BCR: variants seen among roughly 807,000 people sequenced by gnomAD.
The protein encoded by BCR is breakpoint cluster region protein.
A neutral mutation model predicts 138.6 loss-of-function variants in BCR; 58 were observed. The observed-to-expected ratio is 0.42, with a 90% CI of 0.34 to 0.52. The LOEUF (loss-of-function observed/expected upper bound fraction) is 0.52. BCR is among the 20% of genes least tolerant of loss of function. The pLI is 0.06. For synonymous variants in BCR, 786 were observed against 730.1 expected, an observed-to-expected ratio of 1.08 and a Z score of -1.23; for missense variants, 1,599 against 1,727.2, an observed-to-expected ratio of 0.93 and a Z score of 1.32.
intron 1 of BCR, among the ~76,000 whole-genome samples, chr22:23,188,408 C>G (rs976025205): frequency 2.0e-5 from 3 of 152,194 alleles, no homozygotes; most frequent in Non-Finnish European, 2.9e-5. Flanking sequence ...GCTTTATAGC[C>G]TCCTTCCTTC....
At chr22:23,192,238 T>C (rs2072424761) in intron 1 of BCR, among the ~76,000 whole-genome samples, 1 of 151,510 alleles carries the variant, frequency 6.6e-6, no homozygotes, top group Non-Finnish European at 1.5e-5. Context: ...TGAGGGGGTA[T>C]GAGACACTCT....
At chr22:23,193,817 A>T (rs1871481457) in intron 1 of BCR, among the ~76,000 whole-genome samples, 1 of 152,184 alleles carries the variant, frequency 6.6e-6, no homozygotes, top group African/African-American at 2.4e-5. Flanking sequence ...GAACCCTCTT[A>T]GCTGAGTGTT....
intron 16 of BCR, among the ~76,000 whole-genome samples, chr22:23,298,844 C>T (rs1166970534): frequency 1.3e-5 from 2 of 152,192 alleles, no homozygotes; most frequent in Non-Finnish European, 1.5e-5. Flanking sequence ...GTGGTCCACC[C>T]GCCTTGGCCT....
chr22:23,215,466 G>A (rs143553364), intron 1 of BCR, among the ~76,000 whole-genome samples: 139 of 152,314 alleles, frequency 9.1e-4, no homozygotes, highest in African/African-American at 3.2e-3. Context: ...TAAAGAGGGC[G>A]GGAATTCTTA....
rs188073353 is a variant in BCR, at chr22:23,207,040, A to G, written c.1279+24801A>G. On this transcript the variant is annotated intron_variant, in intron 1 of 22. Coordinates refer to ENST00000305877, the MANE Select transcript of BCR (RefSeq NM_004327.4). ...CCATCCATTCAACATTGAACTATCC[A>G]TTATTCACTCATCCATCCAAACATG... Among the ~76,000 whole-genome samples, 87 of 144,802 alleles carry G rather than the reference A, an allele frequency of 6.0e-4. 1 individual carries two copies. The highest frequency in any genetic ancestry group is 3.9e-3 in the Middle Eastern group (1 of 254). The allele number at this position is 144,802 out of a possible 152,430, so 95.0% of individuals were successfully genotyped here.
At chr22:23,286,484 ACCT>A (rs1325020780) in intron 10 of BCR, among the ~76,000 whole-genome samples, 1 of 152,014 alleles carries the variant, frequency 6.6e-6, no homozygotes, top group Non-Finnish European at 1.5e-5. Flanking sequence ...TGGGACTGTG[ACCT>A]CCAGGGTAGG....
rs1352155987 is a variant in BCR, at chr22:23,317,039, G to T, written c.*1517G>T. The T allele has an allele frequency of 1.2e-5, 2 of 164,974 alleles. No individual in the cohort carries two copies. The highest frequency in any genetic ancestry group is 6.3e-5 in the African/African-American group (2 of 31,702). 10.2% of individuals were successfully genotyped at this position (164,974 alleles called of 1,614,324 possible). ...AGGATCACATTTAAGGAAGTGTGTG[G>T]GGTCCCTGGATGACACCAGCACCCA... On this transcript the variant is annotated 3_prime_UTR_variant, in exon 23 of 23. Coordinates refer to ENST00000305877, the MANE Select transcript of BCR (RefSeq NM_004327.4).
intron 16 of BCR, among the ~76,000 whole-genome samples, chr22:23,298,167 A>G (rs1287660302): frequency 2.0e-5 from 3 of 152,178 alleles, no homozygotes; most frequent in Non-Finnish European, 2.9e-5. Flanking sequence ...GTAGGGGTTG[A>G]TGGATGGAAA....
chr22:23,204,031 G>A (rs1194327504), intron 1 of BCR, among the ~76,000 whole-genome samples: 2 of 152,150 alleles, frequency 1.3e-5, no homozygotes, highest in Non-Finnish European at 2.9e-5. Context: ...CTGGAAGGAG[G>A]GCAGATAATG....
At chr22:23,254,961 G>A (rs997991537) in intron 2 of BCR, among the ~76,000 whole-genome samples, 3 of 152,096 alleles carry the variant, frequency 2.0e-5, no homozygotes, top group African/African-American at 7.2e-5. Context: ...CCAGGAGCTC[G>A]AGACTGCAGT....
At chr22:23,263,098 G>T in intron 4 of BCR, 3 of 702,952 alleles carry the variant, frequency 4.3e-6, no homozygotes, top group Non-Finnish European at 6.9e-6. Flanking sequence ...GGACAAGGAG[G>T]TCAGGTTTGG....
chr22:23,281,925 G>T (rs911598423), intron 8 of BCR, among the ~76,000 whole-genome samples: 1 of 152,254 alleles, frequency 6.6e-6, no homozygotes, highest in African/African-American at 2.4e-5. Flanking sequence ...GCCTCTGCTG[G>T]AGAGGGAGCT....
intron 16 of BCR, among the ~76,000 whole-genome samples, chr22:23,298,797 C>T (rs2073874040): frequency 6.6e-6 from 1 of 152,164 alleles, no homozygotes; most frequent in Admixed American, 6.5e-5. Context: ...GGGGTTTCAC[C>T]ATGTTGGCCA....
At chr22:23,313,089 G>A in intron 20 of BCR, 68 bp downstream of exon 20, 1 of 1,522,982 alleles carries the variant, frequency 6.6e-7, no homozygotes. Flanking sequence ...CTTGGAGGCT[G>A]TGAAAAGTGA....
At chr22:23,281,850 T>G (rs2073649415) in intron 8 of BCR, among the ~76,000 whole-genome samples, 2 of 152,170 alleles carry the variant, frequency 1.3e-5, no homozygotes, top group Admixed American at 6.5e-5. Flanking sequence ...GTGCTACAGG[T>G]CCCCAGTGTG....
At chr22:23,273,227 C>G in intron 7 of BCR, 94 bp downstream of exon 7, 1 of 1,393,682 alleles carries the variant, frequency 7.2e-7, no homozygotes, top group African/African-American at 1.4e-5. Flanking sequence ...GTTGTCATAG[C>G]TGCAGCCAAG....
rs1344333043 is a variant in BCR at position 23,315,509 on chromosome 22, C to T, written c.3803C>T (p.Ser1268Phe). The change falls in exon 23 of 23, where the codon TCC (serine) becomes TTC (phenylalanine). Residue 1268 changes from serine to phenylalanine, a missense_variant. Ser to Phe is a radical substitution (Grantham distance 155, BLOSUM62 -2). Around this residue, in one of 4 missense-constraint regions of BCR, gnomAD observed 177 missense variants for 226.4 expected, o/e 0.78. Transcript: ENST00000305877. ...AGCAAGAGACAGAGCATCCTGTTCT[C>T]CACCGAAGTCTAAAGGTCCCAGTCC... is the stretch of plus-strand genomic sequence containing the variant. ...PDSKRQSILF[S>F]TEV The T allele has an allele frequency of 2.5e-6, 4 of 1,612,282 alleles. No individual in the cohort carries two copies. The African/African-American group carries it at 5.3e-5, about 22-fold the overall frequency.
chr22:23,228,385 T>G (rs973315341), intron 1 of BCR, among the ~76,000 whole-genome samples: 3 of 152,244 alleles, frequency 2.0e-5, no homozygotes, highest in Non-Finnish European at 2.9e-5. Context: ...GTTTCATTTC[T>G]AAGTATTTGG....
At chr22:23,271,613 T>G (rs1303319031) in intron 6 of BCR, 21 bp downstream of exon 6, 1 of 1,611,046 alleles carries the variant, frequency 6.2e-7, no homozygotes, top group Non-Finnish European at 8.5e-7. Flanking sequence ...CATGCTGAGG[T>G]CTCTGTGTGC....
Sources: gnomAD v4.1 joint callset for allele counts (sites outside exome capture counted in the v4.1 genomes callset) on GRCh38, gnomAD v4.1.1 for gene constraint, gnomAD v4.1.1 regional missense constraint, MANE v1.5 for transcripts, NCBI Gene and HGNC (gene_info 2026-07-23, HGNC 2026-07-21) for gene names.